The following FDFT1 variants were observed in gnomAD, a reference collection of about 807,000 sequenced individuals.
FDFT1 encodes farnesyl-diphosphate farnesyltransferase 1.
In FDFT1, 68 loss-of-function variants were observed where a neutral mutation model predicts 46.8. The ratio of observed to expected loss-of-function variants is 1.45; its 90% CI spans 1.19 to 1.78. The LOEUF (loss-of-function observed/expected upper bound fraction) is 1.78, where lower values mean the gene tolerates loss of function less well. Ranked by LOEUF, FDFT1 falls within the 40% of genes most tolerant of loss-of-function variation. FDFT1 has a pLI of 0.00. For synonymous variants in FDFT1, 351 were observed against 185.1 expected, an observed-to-expected ratio of 1.90 and a Z score of -7.28; for missense variants, 928 against 524.4, an observed-to-expected ratio of 1.77 and a Z score of -7.52.
intron 5 of FDFT1, 54 bp from the exon 6 acceptor site, chr8:11,830,190 A>G (rs546186641): frequency 7.2e-7 from 1 of 1,392,898 alleles, no homozygotes; most frequent in Admixed American, 1.7e-5. Context: ...TATTGTTTGT[A>G]AATTCTCCCC....
chr8:11,833,064 A>G (rs1400236226), intron 7 of FDFT1, among the ~76,000 whole-genome samples: 1 of 152,220 alleles, frequency 6.6e-6, no homozygotes, highest in Non-Finnish European at 1.5e-5. Context: ...TATGTCCAGA[A>G]CTTCTATCAG....
chr8:11,834,848 G>A (rs752038588), intron 7 of FDFT1, among the ~76,000 whole-genome samples: 26 of 152,242 alleles, frequency 1.7e-4, no homozygotes, highest in African/African-American at 5.8e-4. Flanking sequence ...ATCAAGCCTC[G>A]CACTGTGGCT....
intron 1 of FDFT1, chr8:11,803,242 G>T (rs778266428): frequency 2.9e-6 from 4 of 1,379,780 alleles, no homozygotes; most frequent in African/African-American, 2.9e-5. Flanking sequence ...TAACCCGAGG[G>T]TTACACATCT....
At chr8:11,831,854 A>C (rs1218782160) in intron 7 of FDFT1, 184 bp downstream of exon 7, 1 of 590,008 alleles carries the variant, frequency 1.7e-6, no homozygotes, top group Non-Finnish European at 3.0e-6. Flanking sequence ...CAGATTGCTC[A>C]CTGCTGTGTA....
At chr8:11,814,483 T>A (rs1224203666) in intron 3 of FDFT1, among the ~76,000 whole-genome samples, 6 of 152,302 alleles carry the variant, frequency 3.9e-5, no homozygotes, top group Non-Finnish European at 8.8e-5. Flanking sequence ...AGACCAGGTA[T>A]ATTGCATACT....
In FDFT1 at chr8:11,806,163, T is replaced by C. The variant is rs565229094; in HGVS notation, c.100-2631T>C. On this transcript the variant is annotated intron_variant, in intron 1 of 7. Coordinates refer to ENST00000220584, the MANE Select transcript of FDFT1 (RefSeq NM_004462.5). ...TTCCTGGGAGTCTGGTCTTGTCGTC[T>C]TCCTGACCACCCCCACACCCTTCCT... Among the ~76,000 whole-genome samples the C allele has an allele frequency of 7.2e-5, 11 of 152,280 alleles. No homozygotes were observed. In the East Asian group the frequency reaches 1.2e-3, roughly 16 times the overall value.
chr8:11,821,933 C>G (rs1055806754), intron 4 of FDFT1, 55 bp downstream of exon 4: 24 of 1,585,760 alleles, frequency 1.5e-5, no homozygotes, highest in Non-Finnish European at 1.9e-5. Flanking sequence ...GCTGGCAGTC[C>G]TCATAGTGAA....
intron 4 of FDFT1, 115 bp downstream of exon 4, chr8:11,821,993 A>C: frequency 8.0e-7 from 1 of 1,250,174 alleles, no homozygotes; most frequent in Non-Finnish European, 1.1e-6. Context: ...CTGGTTTTAC[A>C]ATTCATCTGT....
chr8:11,797,093 G>C (rs1167299476), intron 1 of FDFT1, among the ~76,000 whole-genome samples: 2 of 152,236 alleles, frequency 1.3e-5, no homozygotes, highest in African/African-American at 4.8e-5. Flanking sequence ...TAAATCCTGG[G>C]TGTTGCGATG....
chr8:11,802,873 A>C lies in FDFT1; in HGVS notation c.41A>C (p.Tyr14Ser). Residue 14 changes from tyrosine (Y) to serine (S), a missense_variant, in exon 1 of 8, where the codon TAC becomes TCC. By Grantham distance (144) the Tyr-to-Ser change is moderately radical. Transcript: ENST00000220584. ...VKCLGHPEEF[Y>S]NLVRFRIGGK... ...TGCCTTGGCCACCCCGAAGAGTTCT[A>C]CAACCTGGTGCGCTTCCGGATCGGG... 6.2e-7 allele frequency: 1 copy of C among 1,612,390 alleles called. No individual in the cohort carries two copies. Among genetic ancestry groups the C allele is most frequent in the Non-Finnish European group, 8.5e-7 (1 of 1,179,194 alleles).
upstream of FDFT1, chr8:11,801,696 T>G (rs1418432815): frequency 3.5e-4 from 6 of 17,060 alleles, no homozygotes; most frequent in East Asian, 6.0e-3. Context: ...AGCCAGTAGG[T>G]TTTTTTTTTT....
intron 2 of FDFT1, 53 bp downstream of exon 2, chr8:11,808,944 T>A: frequency 6.3e-7 from 1 of 1,580,906 alleles, no homozygotes; most frequent in Non-Finnish European, 8.6e-7. Context: ...TCCGGGACCT[T>A]TGAGTGTGTT....
chr8:11,802,876 ACCT>A lies in FDFT1; in HGVS notation c.45_47del (p.Asn15_Leu16delinsLys). ...CTTGGCCACCCCGAAGAGTTCTACA[ACCT>A]GGTGCGCTTCCGGATCGGGGGCAAG... On this transcript the variant is annotated inframe_deletion, in exon 1 of 8. Coordinates refer to ENST00000220584, the MANE Select transcript of FDFT1 (RefSeq NM_004462.5). The A allele has an allele frequency of 6.2e-7, 1 of 1,612,350 alleles. No homozygotes were observed. The highest frequency in any genetic ancestry group is 8.5e-7 in the Non-Finnish European group (1 of 1,179,170).
intron 3 of FDFT1, among the ~76,000 whole-genome samples, chr8:11,817,754 C>G (rs537420877): frequency 1.3e-5 from 2 of 151,500 alleles, no homozygotes; most frequent in South Asian, 2.1e-4. Context: ...ATTCTTCTGT[C>G]TTTTCTTCTT....
chr8:11,798,469 G>A (rs1043977495), upstream of FDFT1, among the ~76,000 whole-genome samples: 1 of 152,240 alleles, frequency 6.6e-6, no homozygotes, highest in Non-Finnish European at 1.5e-5. Context: ...AGATGGAGCA[G>A]AGAGGAGAGA....
rs757441747 is a variant in FDFT1 at position 11,838,569 on chromosome 8, C to G, written c.1214C>G (p.Ser405Cys). ...AGCTGGCAGTACCTGACCACTCTCT[C>G]CCAGGTAACAGAAGACTATGTTCAG... ...ALSWQYLTTL[S>C]QVTEDYVQTG... Residue 405 changes from serine to cysteine, a missense_variant, in exon 8 of 8, where the codon TCC becomes TGC. Coordinates refer to ENST00000220584, the MANE Select transcript of FDFT1 (RefSeq NM_004462.5). The G allele has an allele frequency of 5.0e-6, 8 of 1,613,808 alleles. No homozygotes were observed. The highest frequency in any genetic ancestry group is 3.3e-5 in the South Asian group (3 of 91,018).
chr8:11,824,782 C>A (rs1809736200), intron 4 of FDFT1, among the ~76,000 whole-genome samples: 1 of 152,106 alleles, frequency 6.6e-6, no homozygotes, highest in African/African-American at 2.4e-5. Context: ...GTCGCCCAGG[C>A]TGGAGTGCAG....
upstream of FDFT1, among the ~76,000 whole-genome samples, chr8:11,797,251 C>G (rs997452555): frequency 1.3e-5 from 2 of 152,126 alleles, no homozygotes; most frequent in Non-Finnish European, 2.9e-5. Flanking sequence ...ATTTTGAGTT[C>G]CTTGGACTGC....
chr8:11,830,405 C>T lies in FDFT1; in HGVS notation c.864C>T (p.Phe288=). The T allele has an allele frequency of 4.3e-6, 7 of 1,613,318 alleles. No homozygotes were observed. The highest frequency in any genetic ancestry group is 1.1e-5 in the South Asian group (1 of 91,054). The stretch of plus-strand genomic sequence containing the variant: ...TCAGAAACCAGAGTGTGTTTAACTT[C>T]TGTGCTATTCCACAGGTAGGGAAGG... ...SRLRNQSVFN[F]CAIPQVMAIA... The change falls in exon 6 of 8, where the codon TTC becomes TTT. Residue 288 remains phenylalanine, a synonymous_variant. Transcript: ENST00000220584.
Sources: gnomAD v4.1 joint callset for allele counts (sites outside exome capture counted in the v4.1 genomes callset) on GRCh38, gnomAD v4.1.1 for gene constraint, MANE v1.5 for transcripts, NCBI Gene and HGNC (gene_info 2026-07-23, HGNC 2026-07-21) for gene names.